UBE2L3: variants seen among roughly 807,000 people sequenced by gnomAD.
The protein encoded by UBE2L3 is ubiquitin-conjugating enzyme E2 L3.
A neutral mutation model predicts 17.8 loss-of-function variants in UBE2L3; 1 was observed. The ratio of observed to expected loss-of-function variants is 0.06; its 90% CI spans 0.02 to 0.27. The LOEUF is 0.27. Among genes scored for constraint, UBE2L3 ranks in the 10% least tolerant of loss-of-function variants. UBE2L3 has a pLI of 1.00. For synonymous variants in UBE2L3, 44 were observed against 68.5 expected, an observed-to-expected ratio of 0.64 and a Z score of 1.76; for missense variants, 40 against 192.6, an observed-to-expected ratio of 0.21 and a Z score of 4.69.
chr22:21,604,005 G>A (rs2148434684), intron 2 of UBE2L3, among the ~76,000 whole-genome samples: 1 of 148,794 alleles, frequency 6.7e-6, no homozygotes, highest in Middle Eastern at 3.5e-3. Flanking sequence ...TCAAACTCCT[G>A]GGCTTAAGCA....
At chr22:21,579,358 G>C (rs1270981030) in intron 1 of UBE2L3, among the ~76,000 whole-genome samples, 2 of 152,102 alleles carry the variant, frequency 1.3e-5, no homozygotes, top group Non-Finnish European at 2.9e-5. Context: ...CCTATGGAAG[G>C]GATGATGTCT....
chr22:21,613,188 C>T (rs1235487055), intron 3 of UBE2L3, among the ~76,000 whole-genome samples: 2 of 152,138 alleles, frequency 1.3e-5, no homozygotes, highest in African/African-American at 4.8e-5. Context: ...GGGAGGCTCT[C>T]AGGAGATGGA....
At chr22:21,607,668 A>G (rs1929250018) in intron 2 of UBE2L3, among the ~76,000 whole-genome samples, 1 of 152,062 alleles carries the variant, frequency 6.6e-6, no homozygotes, top group Non-Finnish European at 1.5e-5. Context: ...GGAGATAGGT[A>G]GGGTTGGGGA....
At chr22:21,590,996 A>T (rs1232618193) in intron 1 of UBE2L3, among the ~76,000 whole-genome samples, 1 of 152,142 alleles carries the variant, frequency 6.6e-6, no homozygotes, top group Non-Finnish European at 1.5e-5. Context: ...AGGAGGTGGC[A>T]GTGTGGGTGT....
upstream of UBE2L3, among the ~76,000 whole-genome samples, chr22:21,565,512 G>A (rs1286909935): frequency 6.6e-6 from 1 of 151,440 alleles, no homozygotes; most frequent in East Asian, 2.0e-4. Flanking sequence ...AGCACTTTGG[G>A]AGGCCAAGGT....
intron 1 of UBE2L3, among the ~76,000 whole-genome samples, chr22:21,583,968 T>A (rs979820378): frequency 9.9e-5 from 15 of 151,930 alleles, no homozygotes; most frequent in African/African-American, 3.6e-4. Flanking sequence ...TCCTGCCTCC[T>A]GGGTTCAAGC....
chr22:21,563,599 C>T (rs1200368599), upstream of UBE2L3, among the ~76,000 whole-genome samples: 16 of 138,040 alleles, frequency 1.2e-4, no homozygotes, highest in East Asian at 2.3e-4. Context: ...TTTTTTGAGA[C>T]GGACTCTCAC....
At chr22:21,558,843 C>T (rs1926331815) in intron 1 of UBE2L3, among the ~76,000 whole-genome samples, 1 of 152,024 alleles carries the variant, frequency 6.6e-6, no homozygotes, top group Admixed American at 6.6e-5. Flanking sequence ...TTGCTGTCTC[C>T]TCCATGTCTA....
At position 21,622,519 on chromosome 22, in the gene UBE2L3, TAGA is replaced by T. The variant is rs1467753621; in HGVS notation, c.*854_*856del. On this transcript the variant is annotated 3_prime_UTR_variant, in exon 4 of 4. Coordinates refer to ENST00000342192, the MANE Select transcript of UBE2L3 (RefSeq NM_003347.4). ...TTGGCACTTCTCCCTGCAGCCATTG[TAGA>T]AGATCTGCTGGTCCTTGCAGGCAAA... 2 of 152,870 alleles carry T rather than the reference TAGA, an allele frequency of 1.3e-5. No individual in the cohort carries two copies. The highest frequency in any genetic ancestry group is 4.8e-5 in the African/African-American group (2 of 41,472). 9.5% of individuals were successfully genotyped at this position (152,870 alleles called of 1,614,324 possible).
chr22:21,615,582 G>A (rs550240684), intron 3 of UBE2L3, among the ~76,000 whole-genome samples: 1 of 151,922 alleles, frequency 6.6e-6, no homozygotes, highest in East Asian at 1.9e-4. Flanking sequence ...AAGAAAATAT[G>A]CTAAATGAAA....
In UBE2L3 at chr22:21,567,791, A is replaced by C; in HGVS notation, c.27+20A>C. Reference sequence around the variant, plus strand: ...ATGAAGGTAAAAGCCATTCTCTGGCAGCGGCCGGGCGTGGGGCGGCGTCCT... The same window carrying C: ...ATGAAGGTAAAAGCCATTCTCTGGCCGCGGCCGGGCGTGGGGCGGCGTCCT... On this transcript the variant is annotated intron_variant, in intron 1 of 3. Coordinates refer to ENST00000342192, the MANE Select transcript of UBE2L3 (RefSeq NM_003347.4). The C allele has an allele frequency of 6.3e-7, 1 of 1,575,980 alleles. No individual in the cohort carries two copies. The highest frequency in any genetic ancestry group is 2.3e-5 in the East Asian group (1 of 43,652).
intron 1 of UBE2L3, among the ~76,000 whole-genome samples, chr22:21,580,734 C>T (rs920478673): frequency 2.0e-5 from 3 of 152,070 alleles, no homozygotes; most frequent in Non-Finnish European, 4.4e-5. Context: ...CAGGTGTGAG[C>T]CATTGTACCG....
chr22:21,581,405 G>A (rs1027761248), intron 1 of UBE2L3, among the ~76,000 whole-genome samples: 2 of 152,024 alleles, frequency 1.3e-5, no homozygotes, highest in Non-Finnish European at 2.9e-5. Context: ...GCCTAGGCTG[G>A]TCTTGAACTC....
intron 1 of UBE2L3, among the ~76,000 whole-genome samples, chr22:21,584,161 C>G (rs1274394012): frequency 6.6e-6 from 1 of 151,422 alleles, no homozygotes; most frequent in Non-Finnish European, 1.5e-5. Flanking sequence ...AGGCATGAGC[C>G]ACCGTGTCTG....
intron 3 of UBE2L3, among the ~76,000 whole-genome samples, chr22:21,617,511 C>T (rs1048331052): frequency 6.6e-6 from 1 of 152,138 alleles, no homozygotes; most frequent in South Asian, 2.1e-4. Flanking sequence ...AGACAGTCTG[C>T]CCACTTCGGC....
upstream of UBE2L3, among the ~76,000 whole-genome samples, chr22:21,564,162 A>G (rs1926553963): frequency 6.6e-6 from 1 of 151,532 alleles, no homozygotes; most frequent in South Asian, 2.1e-4. Context: ...CAGCCTCCCA[A>G]GTAGCTAGAA....
At chr22:21,609,990 C>T (rs1190748984) in intron 2 of UBE2L3, among the ~76,000 whole-genome samples, 1 of 152,146 alleles carries the variant, frequency 6.6e-6, no homozygotes, top group Non-Finnish European at 1.5e-5. Flanking sequence ...CGTGCCATTG[C>T]ATTCTAGCCT....
intron 2 of UBE2L3, among the ~76,000 whole-genome samples, chr22:21,593,445 C>T (rs1317848649): frequency 6.6e-6 from 1 of 152,104 alleles, no homozygotes; most frequent in Non-Finnish European, 1.5e-5. Flanking sequence ...CCTAATTGCC[C>T]ACATGTTCCC....
At chr22:21,574,533 G>C (rs1365377029) in intron 1 of UBE2L3, among the ~76,000 whole-genome samples, 1 of 152,178 alleles carries the variant, frequency 6.6e-6, no homozygotes, top group Non-Finnish European at 1.5e-5. Flanking sequence ...TATTGCAAAG[G>C]TGTTTTCGGG....
Sources: gnomAD v4.1 joint callset for allele counts (sites outside exome capture counted in the v4.1 genomes callset) on GRCh38, gnomAD v4.1.1 for gene constraint, MANE v1.5 for transcripts, NCBI Gene and HGNC (gene_info 2026-07-23, HGNC 2026-07-21) for gene names.